TTLL6: variants seen among roughly 807,000 people sequenced by gnomAD.
The protein encoded by TTLL6 is tubulin polyglutamylase TTLL6.
Under a neutral mutation model 96.4 loss-of-function variants are expected in TTLL6, and 75 were observed. The ratio of observed to expected loss-of-function variants is 0.78; its 90% CI spans 0.65 to 0.94. TTLL6 has a LOEUF of 0.94. Among genes scored for constraint, TTLL6 ranks in the 40% least tolerant of loss-of-function variants. The pLI is 0.00. For synonymous variants in TTLL6, 411 were observed against 419.4 expected (o/e 0.98, Z 0.24); for missense variants, 1,030 against 1,093.0 (o/e 0.94, Z 0.81).
intron 9 of TTLL6, among the ~76,000 whole-genome samples, chr17:48,791,106 G>A (rs1282247902): frequency 1.3e-5 from 2 of 152,114 alleles, no homozygotes; most frequent in African/African-American, 4.8e-5. Context: ...ACAAAAGATC[G>A]AGCTGTCTTT....
chr17:48,787,504 C>T (rs1007945673), intron 11 of TTLL6, among the ~76,000 whole-genome samples: 1 of 152,184 alleles, frequency 6.6e-6, no homozygotes, highest in Admixed American at 6.5e-5. Context: ...GATTCTCCTA[C>T]CTCAGCCTCC....
intron 1 of TTLL6, among the ~76,000 whole-genome samples, chr17:48,810,181 T>A (rs954457179): frequency 1.0e-4 from 15 of 146,508 alleles, no homozygotes; most frequent in African/African-American, 3.8e-4. Context: ...AAAAAAAAGG[T>A]CAAATTATGT....
rs1208493892 is a variant in TTLL6, at chr17:48,762,866, A to G, written c.*108T>C. ...GACCAGTATATCTAGATGAGCAAACAAAACTTCAGTTGATTCTGTGAACAC... is the reference window on the plus strand; with the variant it reads ...GACCAGTATATCTAGATGAGCAAACGAAACTTCAGTTGATTCTGTGAACAC... On this transcript the variant is annotated 3_prime_UTR_variant, in exon 16 of 16. Transcript: ENST00000393382. The G allele has an allele frequency of 2.2e-6, 1 of 451,428 alleles. No individual in the cohort carries two copies. The highest frequency in any genetic ancestry group is 2.0e-5 in the African/African-American group (1 of 49,672). 28.0% of individuals were successfully genotyped at this position (451,428 alleles called of 1,614,324 possible).
chr17:48,810,990 C>T (rs112363282), intron 1 of TTLL6, among the ~76,000 whole-genome samples: 3,602 of 149,550 alleles, frequency 0.024, 149 homozygotes, highest in African/African-American at 0.084. Context: ...ATTTCCCAGT[C>T]TGCCCCAATG....
rs1567738344 is a variant in TTLL6 at position 48,810,827 on chromosome 17, A to ACATATATACACATATATAGTATGTGTGTG, written c.104-5837_104-5836insCACACACATACTATATATGTGTATATATG. Among the ~76,000 whole-genome samples, 39 of 82,728 alleles carry ACATATATACACATATATAGTATGTGTGTG rather than the reference A, an allele frequency of 4.7e-4. 11 individuals carry two copies. The highest frequency in any genetic ancestry group is 1.3e-3 in the African/African-American group (15 of 11,116). The allele number at this position is 82,728 out of a possible 152,430, so 54.3% of individuals were successfully genotyped here. ...ATACACATATATAGTATGTGTGTGTATATATATATATATATATATATATAT... is the reference window on the plus strand; with the variant it reads ...ATACACATATATAGTATGTGTGTGTACATATATACACATATATAGTATGTGTGTGTATATATATATATATATATATATAT... On this transcript the variant is annotated intron_variant, in intron 1 of 15. Transcript: ENST00000393382.
At chr17:48,797,964 C>T (rs1160354134) in intron 6 of TTLL6, among the ~76,000 whole-genome samples, 1 of 151,918 alleles carries the variant, frequency 6.6e-6, no homozygotes, top group African/African-American at 2.4e-5. Context: ...AAGAATTAGC[C>T]AAGTGTGGTG....
At chr17:48,794,316 C>T in intron 8 of TTLL6, 1 of 1,608,284 alleles carries the variant, frequency 6.2e-7, no homozygotes, top group Non-Finnish European at 8.5e-7. Flanking sequence ...CATTCTGTGC[C>T]CTTAGACTAA....
At position 48,768,884 on chromosome 17, in the gene TTLL6, A is replaced by G. The variant is rs745428236; in HGVS notation, c.*105T>C. The G allele has an allele frequency of 2.2e-4, 263 of 1,203,410 alleles. 2 individuals are homozygous for G. Among genetic ancestry groups the G allele is most frequent in the South Asian group, 7.3e-4 (52 of 71,478 alleles). The allele number at this position is 1,203,410 out of a possible 1,614,324, so 74.5% of individuals were successfully genotyped here. ...AAGTCTTCATTGTCTACTTACCTGT[A>G]TGTCTTTATCAATCCATCCATCCTC... On this transcript the variant is annotated intron_variant, in intron 15 of 15. Coordinates refer to ENST00000393382, the MANE Select transcript of TTLL6 (RefSeq NM_001130918.3).
Position 48,768,495 on chromosome 17 carries a change from T to C in TTLL6, c.*494A>G, listed in dbSNP as rs185286497. 9.9e-5 allele frequency among the ~76,000 whole-genome samples: 15 copies of C among 151,912 alleles called. No individual in the cohort carries two copies. In the East Asian group the frequency reaches 2.9e-3, roughly 29 times the overall value. On this transcript the variant is annotated intron_variant, in intron 15 of 15. Transcript: ENST00000393382. ...CTGTGTTAGCCAGAATGGTCTCGAT[T>C]TCCTGACCTCGTGATCCACCCACCT...
chr17:48,775,409 A>G (rs1342100773), intron 13 of TTLL6, among the ~76,000 whole-genome samples: 1 of 151,946 alleles, frequency 6.6e-6, no homozygotes, highest in Non-Finnish European at 1.5e-5. Flanking sequence ...GGTAGGTTCA[A>G]TATTGAAAAA....
intron 9 of TTLL6, among the ~76,000 whole-genome samples, chr17:48,790,968 C>A (rs2039207621): frequency 6.6e-6 from 1 of 152,152 alleles, no homozygotes; most frequent in South Asian, 2.1e-4. Flanking sequence ...CCCCAGGACG[C>A]TCTCTGCTGG....
At chr17:48,786,450 T>TCCAACATATCCACGAGC (rs879662067) in intron 11 of TTLL6, 115 bp from the exon 12 acceptor site, 15 of 1,162,694 alleles carry the variant, frequency 1.3e-5, no homozygotes, top group Non-Finnish European at 1.8e-5. Context: ...CCACATTCCC[T>TCCAACATATCCACGAGC]CCTCCAACAT....
chr17:48,774,108 A>AAAAC (rs1567717001), intron 13 of TTLL6, among the ~76,000 whole-genome samples: 16 of 130,522 alleles, frequency 1.2e-4, no homozygotes, highest in Non-Finnish European at 1.6e-4. Flanking sequence ...AAAAAAAAAA[A>AAAAC]AAAACAAGAA....
In TTLL6 at chr17:48,804,763, A is replaced by T. The variant is rs962127292; in HGVS notation, c.323+9T>A. ...CATGGCTCCCCATTCCCCAGCTTTC[A>T]ATCCTAACCTCTTTTTCTTCCTCTT... On this transcript the variant is annotated intron_variant, in intron 2 of 15. Coordinates refer to ENST00000393382, the MANE Select transcript of TTLL6 (RefSeq NM_001130918.3). 4 of 1,551,472 alleles carry T rather than the reference A, an allele frequency of 2.6e-6. No individual in the cohort carries two copies. Among genetic ancestry groups the T allele is most frequent in the Non-Finnish European group, 3.5e-6 (4 of 1,146,780 alleles).
intron 15 of TTLL6, 145 bp from the exon 16 acceptor site, chr17:48,763,118 C>T (rs756951675): frequency 2.9e-6 from 1 of 347,886 alleles, no homozygotes; most frequent in Non-Finnish European, 5.6e-6. Flanking sequence ...GAAACTCATT[C>T]TACCTACACA....
intron 10 of TTLL6, among the ~76,000 whole-genome samples, chr17:48,788,301 C>T (rs549724878): frequency 7.9e-5 from 12 of 152,354 alleles, no homozygotes; most frequent in African/African-American, 2.9e-4. Flanking sequence ...ACTAGGCAGA[C>T]TGTCGCCACC....
chr17:48,779,926 A>C (rs1216106138), intron 13 of TTLL6, among the ~76,000 whole-genome samples: 1 of 152,054 alleles, frequency 6.6e-6, no homozygotes, highest in Non-Finnish European at 1.5e-5. Context: ...TGAGGGGAGG[A>C]AGATTGCCTG....
intron 7 of TTLL6, among the ~76,000 whole-genome samples, chr17:48,796,399 ATCACGAGG>A (rs1357692400): frequency 6.6e-6 from 1 of 152,220 alleles, no homozygotes; most frequent in Non-Finnish European, 1.5e-5. Context: ...AGGCAGGCAG[ATCACGAGG>A]TCAGGAGTTC....
intron 13 of TTLL6, among the ~76,000 whole-genome samples, chr17:48,775,563 CAG>C (rs1227993075): frequency 8.5e-6 from 1 of 118,020 alleles, no homozygotes; most frequent in Non-Finnish European, 1.9e-5. Context: ...TTATTTGAGA[CAG>C]AGTTTTGCTC....
Sources: gnomAD v4.1 joint callset for allele counts (sites outside exome capture counted in the v4.1 genomes callset) on GRCh38, gnomAD v4.1.1 for gene constraint, MANE v1.5 for transcripts, NCBI Gene and HGNC (gene_info 2026-07-23, HGNC 2026-07-21) for gene names.